The following PITPNC1 variants were observed in gnomAD, a reference collection of about 807,000 sequenced individuals.
PITPNC1 encodes cytoplasmic phosphatidylinositol transfer protein 1.
A neutral mutation model predicts 44.7 loss-of-function variants in PITPNC1; 18 were observed. The ratio of observed to expected loss-of-function variants is 0.40; its 90% CI spans 0.28 to 0.60. The LOEUF is 0.60. PITPNC1 is among the 20% of genes least tolerant of loss of function. The pLI, the probability that PITPNC1 is intolerant of heterozygous loss-of-function variation, is 0.39. For synonymous variants in PITPNC1, 141 were observed against 149.6 expected, an observed-to-expected ratio of 0.94 and a Z score of 0.42; for missense variants, 290 against 418.4, an observed-to-expected ratio of 0.69 and a Z score of 2.68.
intron 5 of PITPNC1, among the ~76,000 whole-genome samples, chr17:67,608,113 G>A (rs1019328184): frequency 2.6e-5 from 4 of 151,942 alleles, no homozygotes; most frequent in African/African-American, 9.7e-5. Flanking sequence ...CTTAGGTTCT[G>A]GAAGCTTAAC....
intron 6 of PITPNC1, among the ~76,000 whole-genome samples, chr17:67,635,447 G>T (rs1415256232): frequency 6.6e-6 from 1 of 152,054 alleles, no homozygotes; most frequent in Non-Finnish European, 1.5e-5. Context: ...GAGAAGAGAG[G>T]TATACGTTGG....
chr17:67,564,679 C>T (rs2040950969), intron 4 of PITPNC1, among the ~76,000 whole-genome samples: 1 of 152,196 alleles, frequency 6.6e-6, no homozygotes, highest in South Asian at 2.1e-4. Context: ...ACATAATCCT[C>T]TTTAAGTTAA....
chr17:67,581,171 G>A (rs1290489225), intron 5 of PITPNC1, among the ~76,000 whole-genome samples: 1 of 152,208 alleles, frequency 6.6e-6, no homozygotes, highest in Non-Finnish European at 1.5e-5. Flanking sequence ...TGGTTATTGT[G>A]TATTATTATA....
intron 5 of PITPNC1, among the ~76,000 whole-genome samples, chr17:67,595,449 TTA>T (rs894416274): frequency 5.3e-5 from 8 of 152,010 alleles, no homozygotes; most frequent in African/African-American, 1.7e-4. Flanking sequence ...AGCTAGTATT[TTA>T]GTTTTTTTTT....
intron 1 of PITPNC1, among the ~76,000 whole-genome samples, chr17:67,413,253 C>G (rs557764925): frequency 6.6e-6 from 1 of 152,264 alleles, no homozygotes; most frequent in South Asian, 2.1e-4. Context: ...AGCAAACACT[C>G]TCCATGATTA....
chr17:67,599,715 C>T (rs1252018318), intron 5 of PITPNC1, among the ~76,000 whole-genome samples: 1 of 152,020 alleles, frequency 6.6e-6, no homozygotes, highest in African/African-American at 2.4e-5. Flanking sequence ...AGTTAGAAGC[C>T]AGCTTGTAGT....
intron 4 of PITPNC1, among the ~76,000 whole-genome samples, chr17:67,573,268 G>GA (rs1041367104): frequency 3.3e-5 from 5 of 152,108 alleles, no homozygotes; most frequent in African/African-American, 4.8e-5. Flanking sequence ...TGCCAAAAAA[G>GA]AAAAAAATCA....
intron 1 of PITPNC1, among the ~76,000 whole-genome samples, chr17:67,492,593 T>C (rs532451612): frequency 2.1e-4 from 32 of 152,236 alleles, no homozygotes; most frequent in African/African-American, 7.7e-4. Context: ...ATAAGGAAAC[T>C]AATAAAATCA....
chr17:67,463,602 G>C (rs987624089), intron 1 of PITPNC1, among the ~76,000 whole-genome samples: 5 of 152,164 alleles, frequency 3.3e-5, no homozygotes, highest in African/African-American at 1.2e-4. Flanking sequence ...AAAATGGAAA[G>C]ATATTTTATG....
chr17:67,565,892 C>T (rs1428723052), intron 4 of PITPNC1, among the ~76,000 whole-genome samples: 1 of 151,760 alleles, frequency 6.6e-6, no homozygotes, highest in Non-Finnish European at 1.5e-5. Context: ...TACTTGTTTT[C>T]CATGTTTTTC....
At chr17:67,411,893 A>G (rs1339816958) in intron 1 of PITPNC1, among the ~76,000 whole-genome samples, 3 of 152,136 alleles carry the variant, frequency 2.0e-5, no homozygotes. Flanking sequence ...TGAGGCACAG[A>G]GAGGGGAGTG....
At chr17:67,537,689 GGTGCTGGGTGCA>G (rs2040548397) in intron 2 of PITPNC1, among the ~76,000 whole-genome samples, 2 of 151,926 alleles carry the variant, frequency 1.3e-5, no homozygotes, top group Admixed American at 1.3e-4. Flanking sequence ...AAATAGAACT[GGTGCTGGGTGCA>G]GTGGCTCACC....
chr17:67,441,362 T>G (rs570188963), intron 1 of PITPNC1, among the ~76,000 whole-genome samples: 52 of 151,248 alleles, frequency 3.4e-4, no homozygotes, highest in African/African-American at 1.1e-3. Context: ...TGAGGACGAC[T>G]CACCCTTGTT....
At chr17:67,538,954 T>C (rs1041695272) in intron 2 of PITPNC1, among the ~76,000 whole-genome samples, 3 of 150,882 alleles carry the variant, frequency 2.0e-5, no homozygotes, top group Admixed American at 1.3e-4. Context: ...AAAACTCTTA[T>C]AGATCCTTTT....
intron 1 of PITPNC1, among the ~76,000 whole-genome samples, chr17:67,473,164 C>T (rs1177280426): frequency 1.3e-5 from 2 of 152,042 alleles, no homozygotes; most frequent in Non-Finnish European, 2.9e-5. Flanking sequence ...GTGTGAGCCA[C>T]CGTGCCCGGC....
chr17:67,403,759 C>T (rs1030899728), intron 1 of PITPNC1, among the ~76,000 whole-genome samples: 4 of 152,292 alleles, frequency 2.6e-5, no homozygotes, highest in South Asian at 4.2e-4. Flanking sequence ...TTATGTCTCA[C>T]GGCTGTAATC....
At chr17:67,392,404 G>A (rs1252939233) in intron 1 of PITPNC1, among the ~76,000 whole-genome samples, 1 of 152,066 alleles carries the variant, frequency 6.6e-6, no homozygotes, top group Non-Finnish European at 1.5e-5. Flanking sequence ...CACTGCATGT[G>A]GACTAAAATA....
At chr17:67,691,348 A>G (rs1407720590) in intron 8 of PITPNC1, among the ~76,000 whole-genome samples, 3 of 152,244 alleles carry the variant, frequency 2.0e-5, no homozygotes, top group Non-Finnish European at 4.4e-5. Context: ...CACTTAAATA[A>G]GAACATTTCA....
chr17:67,620,269 G>C (rs935247816), intron 5 of PITPNC1, among the ~76,000 whole-genome samples: 2 of 152,026 alleles, frequency 1.3e-5, no homozygotes. Flanking sequence ...GCCCCGGCTG[G>C]TCTCGAACTG....
Sources: allele counts gnomAD v4.1 joint callset (sites outside exome capture counted in the v4.1 genomes callset), GRCh38; gene constraint gnomAD v4.1.1; transcripts MANE v1.5; gene names NCBI Gene and HGNC (gene_info 2026-07-23, HGNC 2026-07-21).